The following STXBP2 variants were observed in gnomAD, a reference collection of about 807,000 sequenced individuals.
STXBP2 encodes the protein syntaxin-binding protein 2.
A neutral mutation model predicts 72.2 loss-of-function variants in STXBP2; 47 were observed. The ratio of observed to expected loss-of-function variants is 0.65; its 90% CI spans 0.51 to 0.83. The LOEUF is 0.83. Among genes scored for constraint, STXBP2 ranks in the 40% least tolerant of loss-of-function variants. The pLI is 0.00. For synonymous variants in STXBP2, 367 were observed against 338.7 expected (o/e 1.08, Z -0.92); for missense variants, 702 against 807.6 (o/e 0.87, Z 1.58).
the STXBP2 span, chr19:7,630,965 A>C: frequency 1.5e-6 from 2 of 1,306,370 alleles, no homozygotes; most frequent in South Asian, 1.3e-5. Context: ...ATCCCAGGGC[A>C]TGGGAGGCTG....
chr19:7,634,335 T>C (rs1225806666), upstream of STXBP2, among the ~76,000 whole-genome samples: 2 of 152,122 alleles, frequency 1.3e-5, no homozygotes, highest in African/African-American at 4.8e-5. Context: ...CGGAAACCAG[T>C]GGAAGTTTCA....
At chr19:7,633,616 A>T (rs2031427318), upstream of STXBP2, 1 of 683,434 alleles carries the variant, frequency 1.5e-6, no homozygotes, top group Middle Eastern at 3.6e-4. Context: ...CCCCATAAAG[A>T]TCATCCAGAT....
chr19:7,632,482 C>CCT (rs768484783), upstream of STXBP2: 1 of 1,613,844 alleles, frequency 6.2e-7, no homozygotes, highest in Middle Eastern at 1.6e-4. This position sits in a 1 kb window ranked among gnomAD's most constrained non-coding sequence, Gnocchi z 5.2. Context: ...GCCAGCATGT[C>CCT]CATGAGGCTG....
At chr19:7,631,986 C>T (rs978788152), upstream of STXBP2, 4 of 577,438 alleles carry the variant, frequency 6.9e-6, no homozygotes, top group Non-Finnish European at 1.1e-5. Context: ...GGTGGCAGGT[C>T]TTGGGGCCCT....
intron 13 of STXBP2, among the ~76,000 whole-genome samples, chr19:7,644,015 T>TTGGAGAGGTGGGA (rs1568469296): frequency 9.8e-5 from 14 of 142,936 alleles, no homozygotes; most frequent in Non-Finnish European, 1.1e-4. Flanking sequence ...GGGTGGAACC[T>TTGGAGAGGTGGGA]CGGAGAGGTG....
chr19:7,639,826 G>A lies in STXBP2; in HGVS notation c.246+19G>A, dbSNP rs377241944. ...GGAGAAGGTGCCTACATGAGTGAGC[G>A]TGTGTGTATGCGCGTGCATGCGTGT... On this transcript the variant is annotated intron_variant, in intron 4 of 18. Coordinates refer to ENST00000221283, the MANE Select transcript of STXBP2 (RefSeq NM_006949.4). The A allele has an allele frequency of 8.1e-6, 13 of 1,612,372 alleles. No individual in the cohort carries two copies. The East Asian group carries it at 1.6e-4, about 19-fold the overall frequency.
Position 7,642,748 on chromosome 19 carries a change from G to A in STXBP2, c.903-18G>A, listed in dbSNP as rs202217724. 96 of 1,610,352 alleles carry A rather than the reference G, an allele frequency of 6.0e-5. No homozygotes were observed. Among genetic ancestry groups the A allele is most frequent in the East Asian group, 5.4e-4 (24 of 44,770 alleles). On this transcript the variant is annotated intron_variant, in intron 10 of 18. Transcript: ENST00000221283. This position sits in a 1 kb window ranked among gnomAD's most constrained non-coding sequence, Gnocchi z 6.0. ...CTCCTCTCCCCTCACTCTCACCCCC[G>A]CCCACCCTCATGGCCAGGAAGGTCA...
chr19:7,643,053 GCTCGGGTGGGCAGGGAGCGGGGACAC>G lies in STXBP2; in HGVS notation c.1026+11_1026+36del. 6.2e-7 allele frequency: 1 copy of G among 1,614,182 alleles called. No homozygotes were observed. Among genetic ancestry groups the G allele is most frequent in the Non-Finnish European group, 8.5e-7 (1 of 1,180,032 alleles). ...TACCAGAAGGAGCTGAATAAGGTGT[GCTCGGGTGGGCAGGGAGCGGGGACAC>G]CTCGGCCCCTCAACCCCATGCTCTG... On this transcript the variant is annotated splice_donor_region_variant and intron_variant, in intron 12 of 18. Transcript: ENST00000221283.
upstream of STXBP2, chr19:7,636,473 G>C (rs115353996): frequency 6.6e-5 from 10 of 152,346 alleles, no homozygotes; most frequent in African/African-American, 2.2e-4. Flanking sequence ...CCTCCCGGAA[G>C]AGGGTAAGGC....
chr19:7,633,447 T>G, upstream of STXBP2: 5 of 1,576,792 alleles, frequency 3.2e-6, no homozygotes, highest in Non-Finnish European at 4.3e-6. Flanking sequence ...CTTCTCCTCC[T>G]GATCCATCAT....
At chr19:7,632,813 C>G, upstream of STXBP2, 1 of 1,556,220 alleles carries the variant, frequency 6.4e-7, no homozygotes, top group South Asian at 1.2e-5. This position sits in a 1 kb window ranked among gnomAD's most constrained non-coding sequence, Gnocchi z 5.2. Flanking sequence ...AGAAGCCCTC[C>G]TGGTCTGGGG....
At chr19:7,637,073 T>C (rs1395825219), upstream of STXBP2, 2 of 1,223,904 alleles carry the variant, frequency 1.6e-6, no homozygotes, top group Non-Finnish European at 2.0e-6. Flanking sequence ...CGGGGCGGGG[T>C]CCACGTGGGT....
At chr19:7,633,091 C>G (rs370736897), upstream of STXBP2, 13 of 1,172,416 alleles carry the variant, frequency 1.1e-5, no homozygotes, top group Middle Eastern at 2.9e-4. Flanking sequence ...GGCTCCGATG[C>G]GTGTCCCGCC....
At chr19:7,632,306 C>T (rs2031346575), upstream of STXBP2, 2 of 1,568,866 alleles carry the variant, frequency 1.3e-6, no homozygotes, top group Non-Finnish European at 1.7e-6. The surrounding 1 kb of genome is among the most constrained non-coding windows in gnomAD (Gnocchi z 5.2). Context: ...TGGGGCAGGC[C>T]CTGTTCCCTC....
upstream of STXBP2, chr19:7,633,433 C>G: frequency 6.3e-7 from 1 of 1,577,452 alleles, no homozygotes; most frequent in African/African-American, 1.3e-5. Context: ...GAGCCTTCCT[C>G]CGTCTTCTCC....
chr19:7,637,380 G>C (rs1170459742), intron 1 of STXBP2, among the ~76,000 whole-genome samples, 194 bp downstream of exon 1: 2 of 152,192 alleles, frequency 1.3e-5, no homozygotes, highest in Non-Finnish European at 2.9e-5. Context: ...TGCCAGAACA[G>C]AACAAAATTG....
upstream of STXBP2, chr19:7,632,723 G>T (rs1009512548): frequency 5.8e-6 from 9 of 1,559,434 alleles, no homozygotes; most frequent in Admixed American, 1.9e-5. The surrounding 1 kb of genome is among the most constrained non-coding windows in gnomAD (Gnocchi z 5.2). Context: ...CACGGCTCTT[G>T]GTGGTCTGGC....
the STXBP2 span, chr19:7,631,508 G>A: frequency 1.8e-5 from 28 of 1,536,208 alleles, no homozygotes; most frequent in African/African-American, 2.3e-4. Flanking sequence ...AGAGGTTACG[G>A]AAGCGGCGGG....
the STXBP2 span, chr19:7,631,838 A>G: frequency 2.2e-6 from 3 of 1,374,416 alleles, no homozygotes; most frequent in South Asian, 4.4e-5. Flanking sequence ...AGCCAGGGGG[A>G]GGGCTCAAGG....
Sources: allele counts gnomAD v4.1 joint callset (sites outside exome capture counted in the v4.1 genomes callset), GRCh38; gene constraint gnomAD v4.1.1; non-coding constraint Gnocchi (gnomAD v3.1); transcripts MANE v1.5; gene names NCBI Gene and HGNC (gene_info 2026-07-23, HGNC 2026-07-21).